Variants in LYST observed in about 807,000 individuals in gnomAD.
LYST encodes the protein lysosomal trafficking regulator, also known as lysosomal-trafficking regulator.
Under a neutral mutation model 413.6 loss-of-function variants are expected in LYST, and 192 were observed. The ratio of observed to expected loss-of-function variants is 0.46; its 90% CI spans 0.41 to 0.52. The LOEUF (loss-of-function observed/expected upper bound fraction) is 0.52, where lower values mean the gene tolerates loss of function less well. Among genes scored for constraint, LYST ranks in the 20% least tolerant of loss-of-function variants. The pLI is 0.00. For missense variants in LYST, 3,815 were observed against 4,499.9 expected, an observed-to-expected ratio of 0.85 and a Z score of 4.35; for synonymous variants, 1,525 against 1,567.3, an observed-to-expected ratio of 0.97 and a Z score of 0.64.
intron 31 of LYST, chr1:235,738,115 T>C: frequency 6.2e-7 from 1 of 1,608,146 alleles, no homozygotes; most frequent in Non-Finnish European, 8.5e-7. Flanking sequence ...GCCATCGGTA[T>C]CTTAATGAAG....
At chr1:235,798,002 G>T (rs1671745110) in intron 10 of LYST, among the ~76,000 whole-genome samples, 1 of 152,116 alleles carries the variant, frequency 6.6e-6, no homozygotes, top group African/African-American at 2.4e-5. Context: ...TATACGAATG[G>T]CCAATAAGTA....
chr1:235,768,194 G>C (rs1490486759), intron 20 of LYST, among the ~76,000 whole-genome samples: 1 of 151,948 alleles, frequency 6.6e-6, no homozygotes, highest in Non-Finnish European at 1.5e-5. Flanking sequence ...AACTTACAAG[G>C]TTGCTTTTTT....
At chr1:235,774,082 A>G in intron 18 of LYST, 91 bp from the exon 19 acceptor site, 1 of 870,086 alleles carries the variant, frequency 1.1e-6, no homozygotes, top group Non-Finnish European at 1.9e-6. Flanking sequence ...TTTAGCAATC[A>G]TTAAATTCAA....
chr1:235,833,139 G>A (rs1676179660), intron 2 of LYST, among the ~76,000 whole-genome samples: 2 of 151,304 alleles, frequency 1.3e-5, no homozygotes, highest in African/African-American at 4.8e-5. Context: ...TTGTGGTGAT[G>A]GGGACACTTT....
chr1:235,725,669 T>C (rs1458805059), intron 38 of LYST, among the ~76,000 whole-genome samples: 2 of 152,214 alleles, frequency 1.3e-5, no homozygotes, highest in Non-Finnish European at 2.9e-5. Context: ...GCAGAGTCTC[T>C]GGAGGAGCAT....
intron 1 of LYST, among the ~76,000 whole-genome samples, chr1:235,875,115 C>T (rs372197463): frequency 1.4e-4 from 22 of 152,102 alleles, no homozygotes; most frequent in African/African-American, 4.6e-4. Flanking sequence ...GAGGGAACAG[C>T]GGGTATAAAG....
Position 235,741,697 on chromosome 1 carries a change from C to T in LYST, c.8152-69G>A, listed in dbSNP as rs1447129927. ...AAGCAATACCATGCTAGCCTCAACA[C>T]AGCCCTAAAGAAGATTATGGAACAC... is the stretch of plus-strand genomic sequence containing the variant. On this transcript the variant is annotated intron_variant, in intron 30 of 52. Coordinates refer to ENST00000389793, the MANE Select transcript of LYST (RefSeq NM_000081.4). 3.5e-6 allele frequency: 4 copies of T among 1,130,710 alleles called. No individual in the cohort carries two copies. In the Admixed American group the frequency reaches 5.3e-5, roughly 15 times the overall value. 70.0% of individuals were successfully genotyped at this position (1,130,710 alleles called of 1,614,324 possible).
At chr1:235,776,807 T>A (rs1669296393) in intron 17 of LYST, among the ~76,000 whole-genome samples, 1 of 152,102 alleles carries the variant, frequency 6.6e-6, no homozygotes, top group Admixed American at 6.6e-5. Context: ...CAATTTAAAA[T>A]CTTGTACATT....
At chr1:235,846,407 C>A (rs1408564904) in intron 1 of LYST, among the ~76,000 whole-genome samples, 2 of 152,132 alleles carry the variant, frequency 1.3e-5, no homozygotes, top group African/African-American at 4.8e-5. Flanking sequence ...TCTGACAGAG[C>A]CTACCCAAAT....
rs929186143 is a variant in LYST at position 235,697,076 on chromosome 1, A to T, written c.10564+7T>A. On this transcript the variant is annotated splice_region_variant and intron_variant, in intron 46 of 52. Coordinates refer to ENST00000389793, the MANE Select transcript of LYST (RefSeq NM_000081.4). ...TCCAGAATGATCTTCGTTACATTTT[A>T]TTTTACCTTGTTCCTTGCTATATGT... The T allele has an allele frequency of 6.2e-7, 1 of 1,612,076 alleles. No homozygotes were observed. The highest frequency in any genetic ancestry group is 8.5e-7 in the Non-Finnish European group (1 of 1,178,218).
At position 235,662,007 on chromosome 1, in the gene LYST, T is replaced by G. The variant is rs1454505134; in HGVS notation, c.*933A>C. ...TGTTTAAAGTAAGCTTTTATAATTC[T>G]GTTTTGGGGAAGAAAATTCTTCCTG... On this transcript the variant is annotated 3_prime_UTR_variant, in exon 53 of 53. Transcript: ENST00000389793. The G allele has an allele frequency of 6.6e-6, 1 of 152,244 alleles. No homozygotes were observed. Among genetic ancestry groups the G allele is most frequent in the Non-Finnish European group, 1.5e-5 (1 of 68,040 alleles). The allele number at this position is 152,244 out of a possible 1,614,324, so 9.4% of individuals were successfully genotyped here. A position where few individuals can be genotyped will look rare whatever the true frequency, so the allele number is the denominator to read the frequency against.
chr1:235,739,756 A>G (rs1558172969), intron 31 of LYST, among the ~76,000 whole-genome samples: 1 of 152,222 alleles, frequency 6.6e-6, no homozygotes, highest in African/African-American at 2.4e-5. Context: ...GAAAAAGTGG[A>G]TCTTGGCAAT....
At chr1:235,866,456 C>T (rs1680532762) in intron 1 of LYST, among the ~76,000 whole-genome samples, 1 of 152,160 alleles carries the variant, frequency 6.6e-6, no homozygotes, top group African/African-American at 2.4e-5. Context: ...TGCAGCGGCA[C>T]AGGATCAAAA....
At chr1:235,720,942 T>C (rs1333317312) in intron 39 of LYST, 37 bp from the exon 40 acceptor site, 2 of 1,603,058 alleles carry the variant, frequency 1.2e-6, no homozygotes, top group Non-Finnish European at 1.7e-6. Context: ...CCAGATATTA[T>C]TTTTAGTCTT....
At chr1:235,693,293 C>T (rs375792494) in intron 47 of LYST, 57 bp downstream of exon 47, 25 of 1,311,390 alleles carry the variant, frequency 1.9e-5, no homozygotes, top group Admixed American at 5.2e-5. Context: ...CCAGCTTGGG[C>T]GGCAGAGTGA....
upstream of LYST, among the ~76,000 whole-genome samples, chr1:235,868,673 A>T (rs1241593879): frequency 1.3e-5 from 2 of 152,054 alleles, no homozygotes; most frequent in Admixed American, 1.3e-4. Context: ...TGTGACTATT[A>T]TTTTTTTCGG....
chr1:235,667,310 T>G (rs1281659445), intron 50 of LYST, among the ~76,000 whole-genome samples: 1 of 152,216 alleles, frequency 6.6e-6, no homozygotes, highest in Non-Finnish European at 1.5e-5. Context: ...TATGGATGTC[T>G]CACCTTAGTT....
chr1:235,879,730 T>C (rs1375994242), intron 1 of LYST, among the ~76,000 whole-genome samples: 1 of 103,584 alleles, frequency 9.7e-6, no homozygotes, highest in Non-Finnish European at 2.1e-5. Flanking sequence ...CTAACTTCCT[T>C]TCTTTCTTTC....
rs777923532 is a variant in LYST, at chr1:235,702,785, T to C, written c.10336A>G (p.Arg3446Gly). ...AVGLLVQFAF[R>G]ETREQVKEIT... Reference sequence around the variant, plus strand: ...TCTTTGACCTGTTCTCGGGTCTCCCTGAAAGCAAACTGCACTAGCAACCCC... The same window carrying C: ...TCTTTGACCTGTTCTCGGGTCTCCCCGAAAGCAAACTGCACTAGCAACCCC... Residue 3446 changes from arginine (R) to glycine (G), a missense_variant, in exon 45 of 53, where the codon AGG (arginine) becomes GGG (glycine). Around this residue, in one of 4 missense-constraint regions of LYST, gnomAD observed 866 missense variants for 1,156.0 expected, o/e 0.75. Transcript: ENST00000389793. 1.2e-6 allele frequency: 2 copies of C among 1,614,214 alleles called. No homozygotes were observed. Among genetic ancestry groups the C allele is most frequent in the Non-Finnish European group, 1.7e-6 (2 of 1,180,028 alleles).
Sources: gnomAD v4.1 joint callset for allele counts (sites outside exome capture counted in the v4.1 genomes callset) on GRCh38, gnomAD v4.1.1 for gene constraint, gnomAD v4.1.1 regional missense constraint, MANE v1.5 for transcripts, NCBI Gene and HGNC (gene_info 2026-07-23, HGNC 2026-07-21) for gene names.